Variants in MYO18A observed in about 807,000 individuals in gnomAD.
MYO18A encodes unconventional myosin-XVIIIa.
Under a neutral mutation model 235.8 loss-of-function variants are expected in MYO18A, and 78 were observed. That is an observed-to-expected ratio of 0.33 (90% confidence interval 0.28 to 0.40). The LOEUF is 0.40. Among genes scored for constraint, MYO18A ranks in the 10% least tolerant of loss-of-function variants. The probability of loss-of-function intolerance (pLI) is 1.00; values close to 1 mark genes in which losing one functional copy is unlikely to be tolerated. For synonymous variants in MYO18A, 977 were observed against 1,077.8 expected (o/e 0.91, Z 1.83); for missense variants, 2,215 against 2,699.3 (o/e 0.82, Z 3.98).
chr17:29,165,840 A>G (rs1438154878), intron 2 of MYO18A, 102 bp downstream of exon 2: 1 of 1,126,480 alleles, frequency 8.9e-7, no homozygotes, highest in Non-Finnish European at 1.3e-6. Flanking sequence ...ACACACTGCT[A>G]GGCTCTGATA....
chr17:29,081,738 T>A (rs948256349), intron 41 of MYO18A, among the ~76,000 whole-genome samples: 1 of 152,084 alleles, frequency 6.6e-6, no homozygotes, highest in Non-Finnish European at 1.5e-5. Context: ...GGGGTAGCTG[T>A]CTGTATGATC....
chr17:29,121,890 A>G lies in MYO18A; in HGVS notation c.1155T>C (p.Asp385=). Residue 385 remains aspartate (D), a synonymous_variant, in exon 4 of 42, where the codon GAT becomes GAC. Transcript: ENST00000527372. This position sits in a 1 kb window ranked among gnomAD's most constrained non-coding sequence, Gnocchi z 4.2. ...CCTCATCCACATCCAGGATGGCCCCATCGTGGTCCAGCTTCACACGCACCT... is the reference window on the plus strand; with the variant it reads ...CCTCATCCACATCCAGGATGGCCCCGTCGTGGTCCAGCTTCACACGCACCT... ...EGKVRVKLDH[D]GAILDVDEDD... The G allele has an allele frequency of 6.2e-7, 1 of 1,613,472 alleles. No individual in the cohort carries two copies. The highest frequency in any genetic ancestry group is 8.5e-7 in the Non-Finnish European group (1 of 1,179,770).
At position 29,118,058 on chromosome 17, in the gene MYO18A, C is replaced by T. The variant is rs775088505; in HGVS notation, c.2025G>A (p.Ala675=). Residue 675 remains alanine, a synonymous_variant, in exon 10 of 42, where the codon GCG becomes GCA. Coordinates refer to ENST00000527372, the MANE Select transcript of MYO18A (RefSeq NM_078471.4). This position sits in a 1 kb window ranked among gnomAD's most constrained non-coding sequence, Gnocchi z 4.2. ...ILAAIYHLGA[A]GATKEAAEAG... The stretch of plus-strand genomic sequence containing the variant: ...ACTGCAGGTTACCTTTGGTGGCTCC[C>T]GCAGCCCCCAGGTGGTAGATGGCAG... The T allele has an allele frequency of 6.9e-6, 11 of 1,583,358 alleles. No homozygotes were observed. Among genetic ancestry groups the T allele is most frequent in the Admixed American group, 3.6e-5 (2 of 55,678 alleles).
intron 2 of MYO18A, among the ~76,000 whole-genome samples, chr17:29,124,366 C>G (rs1742133268): frequency 2.0e-5 from 3 of 152,192 alleles, no homozygotes; most frequent in African/African-American, 7.2e-5. Flanking sequence ...CCAGGCCCCC[C>G]TTGGGCTCCA....
intron 2 of MYO18A, chr17:29,124,654 T>C (rs1468395555): frequency 7.8e-7 from 1 of 1,284,350 alleles, no homozygotes; most frequent in South Asian, 1.2e-5. Context: ...GCACCCTACC[T>C]GGCTGTGGGC....
chr17:29,099,499 C>G, intron 22 of MYO18A, 135 bp downstream of exon 22: 1 of 1,221,280 alleles, frequency 8.2e-7, no homozygotes, highest in Non-Finnish European at 1.1e-6. Flanking sequence ...CAGGGAGCTG[C>G]CTGTTCCCCA....
At chr17:29,087,327 G>C (rs1468410772) in intron 37 of MYO18A, among the ~76,000 whole-genome samples, 4 of 152,184 alleles carry the variant, frequency 2.6e-5, no homozygotes, top group African/African-American at 9.7e-5. Context: ...GGGGTCTTCT[G>C]AGGATGAATA....
chr17:29,119,449 T>G lies in MYO18A; in HGVS notation c.1729-14A>C. ...CAGAAGCATTGTCTGTGACACAGCA[T>G]GGACGTGTGGGTAAGGAGGGTAGTG... On this transcript the variant is annotated splice_polypyrimidine_tract_variant and intron_variant, in intron 7 of 41. Coordinates refer to ENST00000527372, the MANE Select transcript of MYO18A (RefSeq NM_078471.4). 1 of 1,599,734 alleles carries G rather than the reference T, an allele frequency of 6.3e-7. No homozygotes were observed.
At position 29,140,381 on chromosome 17, in the gene MYO18A, C is replaced by T. The variant is rs9893307; in HGVS notation, c.1000-18128G>A. The T allele has an allele frequency of 1.3e-3, 1,688 of 1,284,324 alleles. 21 individuals carry two copies. In the African/African-American group the frequency reaches 0.024, roughly 18 times the overall value. The allele number at this position is 1,284,324 out of a possible 1,614,324, so 79.6% of individuals were successfully genotyped here. A position where few individuals can be genotyped will look rare whatever the true frequency, so the allele number is the denominator to read the frequency against. ...GGAGCAGCCCAGAGCAAGGAGACTC[C>T]GCTCTGATGCTGCTCTGGCTCCGTT... On this transcript the variant is annotated intron_variant, in intron 2 of 41. Transcript: ENST00000527372. The surrounding 1 kb of genome is among the most constrained non-coding windows in gnomAD (Gnocchi z 4.2).
intron 1 of MYO18A, among the ~76,000 whole-genome samples, chr17:29,171,428 A>G: frequency 6.6e-6 from 1 of 152,082 alleles, no homozygotes; most frequent in East Asian, 1.9e-4. Context: ...AGACAGAGCA[A>G]GACCCCATCT....
chr17:29,090,823 G>A lies in MYO18A; in HGVS notation c.5291C>T (p.Ala1764Val), dbSNP rs1315074645. ...DMNELMKKHK[A>V]AVAQASRDLA... ...TGGCAGGGGTACCTGAGCCACGGCA[G>A]CCTTGTGCTTCTTCATCAATTCGTT... The change falls in exon 35 of 42, where the codon GCT (alanine) becomes GTT (valine). Residue 1764 changes from alanine (A) to valine (V), a missense_variant. Coordinates refer to ENST00000527372, the MANE Select transcript of MYO18A (RefSeq NM_078471.4). 4 of 1,613,804 alleles carry A rather than the reference G, an allele frequency of 2.5e-6. No homozygotes were observed. The highest frequency in any genetic ancestry group is 3.4e-6 in the Non-Finnish European group (4 of 1,179,782).
Position 29,097,428 on chromosome 17 carries a change from CA to C in MYO18A, c.4103-79del, listed in dbSNP as rs918491752. The C allele has an allele frequency of 1.2e-5, 18 of 1,559,102 alleles. No homozygotes were observed. The African/African-American group carries it at 2.4e-4, about 21-fold the overall frequency. The stretch of plus-strand genomic sequence containing the variant: ...GGGGCAGAGGGGAAGGAGGATGGGG[CA>C]GGGGGAGCAGCAGGTGGAGTCAGCC... On this transcript the variant is annotated intron_variant, in intron 26 of 41. Transcript: ENST00000527372.
At chr17:29,098,273 T>G in intron 24 of MYO18A, 49 bp from the exon 25 acceptor site, 1 of 1,612,836 alleles carries the variant, frequency 6.2e-7, no homozygotes, top group Non-Finnish European at 8.5e-7. Flanking sequence ...CCTGCCTCAC[T>G]CAGCCAGAAC....
intron 2 of MYO18A, among the ~76,000 whole-genome samples, chr17:29,146,523 C>T (rs1436543454): frequency 2.0e-5 from 3 of 152,208 alleles, no homozygotes; most frequent in Non-Finnish European, 4.4e-5. Flanking sequence ...CACATGACTT[C>T]GCCCTGGCCA....
intron 2 of MYO18A, among the ~76,000 whole-genome samples, chr17:29,145,463 T>G (rs975612316): frequency 1.3e-5 from 2 of 152,218 alleles, no homozygotes; most frequent in Non-Finnish European, 2.9e-5. Context: ...CTCTGAGGGC[T>G]GGAGGAAGTC....
chr17:29,124,673 C>A (rs751123270), intron 2 of MYO18A: 3 of 1,284,306 alleles, frequency 2.3e-6, no homozygotes, highest in Non-Finnish European at 3.0e-6. Context: ...GCATGAGAGG[C>A]GGCCTCAGAG....
At chr17:29,107,513 G>A in intron 19 of MYO18A, 1 of 280,464 alleles carries the variant, frequency 3.6e-6, no homozygotes, top group Admixed American at 4.6e-5. Flanking sequence ...CCAGCTGGGA[G>A]GAAGGCTACA....
At chr17:29,171,053 G>A (rs753450226) in intron 1 of MYO18A, among the ~76,000 whole-genome samples, 2 of 152,184 alleles carry the variant, frequency 1.3e-5, no homozygotes, top group African/African-American at 4.8e-5. Context: ...GAGTGGGATC[G>A]CATGAGGGAA....
At chr17:29,110,392 G>A (rs2066900650) in intron 18 of MYO18A, 44 bp downstream of exon 18, 2 of 1,526,744 alleles carry the variant, frequency 1.3e-6, no homozygotes, top group African/African-American at 1.4e-5. Context: ...CAGGGGTAAG[G>A]AAGGGTCCCC....
Sources: allele counts gnomAD v4.1 joint callset (sites outside exome capture counted in the v4.1 genomes callset), GRCh38; gene constraint gnomAD v4.1.1; non-coding constraint Gnocchi (gnomAD v3.1); transcripts MANE v1.5; gene names NCBI Gene and HGNC (gene_info 2026-07-23, HGNC 2026-07-21).